L3MBTL4: variants seen among roughly 807,000 people sequenced by gnomAD.
L3MBTL4 encodes lethal(3)malignant brain tumor-like protein 4.
In L3MBTL4, 70 loss-of-function variants were observed where a neutral mutation model predicts 84.5. The observed-to-expected ratio is 0.83, with a 90% confidence interval of 0.68 to 1.01. The LOEUF is 1.01. Ranked by LOEUF, L3MBTL4 falls within the 50% of genes least tolerant of loss-of-function variation. The probability of loss-of-function intolerance (pLI) is 0.00; values close to 1 mark genes in which losing one functional copy is unlikely to be tolerated. For missense variants in L3MBTL4, 715 were observed against 754.8 expected (o/e 0.95, Z 0.62); for synonymous variants, 274 against 259.8 (o/e 1.05, Z -0.52).
At chr18:6,025,179 CAT>C (rs1302749218) in intron 16 of L3MBTL4, 3 of 152,218 alleles carry the variant, frequency 2.0e-5, no homozygotes, top group Non-Finnish European at 2.9e-5. Context: ...GGAAAAATGA[CAT>C]TCCAGAACTG....
chr18:6,087,534 G>T (rs2143490063), intron 15 of L3MBTL4, among the ~76,000 whole-genome samples: 1 of 152,236 alleles, frequency 6.6e-6, no homozygotes, highest in South Asian at 2.1e-4. Context: ...GCTCTGAAAG[G>T]CCTTGGGATT....
chr18:6,167,040 T>C (rs1464535468), intron 13 of L3MBTL4, among the ~76,000 whole-genome samples: 1 of 152,214 alleles, frequency 6.6e-6, no homozygotes, highest in East Asian at 1.9e-4. Flanking sequence ...CAGAAAATAC[T>C]ATAAATACCT....
At chr18:6,149,415 A>G (rs912926340) in intron 13 of L3MBTL4, among the ~76,000 whole-genome samples, 1 of 151,782 alleles carries the variant, frequency 6.6e-6, no homozygotes, top group Non-Finnish European at 1.5e-5. Flanking sequence ...TCCATGGTGT[A>G]TATGTGCCAC....
At chr18:6,049,600 T>G (rs1346451890) in intron 16 of L3MBTL4, among the ~76,000 whole-genome samples, 1 of 152,174 alleles carries the variant, frequency 6.6e-6, no homozygotes, top group Non-Finnish European at 1.5e-5. Flanking sequence ...TTATCTTAAG[T>G]GAATTAACAC....
chr18:6,266,297 T>C (rs1383603798), intron 4 of L3MBTL4, among the ~76,000 whole-genome samples: 1 of 152,198 alleles, frequency 6.6e-6, no homozygotes, highest in Admixed American at 6.5e-5. Flanking sequence ...GATGGCAAGA[T>C]TGACATAAAT....
At chr18:6,054,247 A>AT (rs1170590869) in intron 16 of L3MBTL4, among the ~76,000 whole-genome samples, 1 of 152,018 alleles carries the variant, frequency 6.6e-6, no homozygotes. Context: ...TGTCTCATAC[A>AT]TTGCTGTCAC....
chr18:6,100,389 A>G (rs1391302078), intron 14 of L3MBTL4, among the ~76,000 whole-genome samples: 1 of 151,982 alleles, frequency 6.6e-6, no homozygotes, highest in Non-Finnish European at 1.5e-5. Context: ...AAGACTTTCT[A>G]TTCTGTCATT....
chr18:6,173,391 T>A (rs1288270869), intron 12 of L3MBTL4, among the ~76,000 whole-genome samples: 1 of 152,016 alleles, frequency 6.6e-6, no homozygotes, highest in Non-Finnish European at 1.5e-5. Context: ...AAGAAAGCAG[T>A]TATGCAGTCA....
chr18:5,998,721 G>T (rs540615453), intron 16 of L3MBTL4, among the ~76,000 whole-genome samples: 22 of 152,244 alleles, frequency 1.4e-4, no homozygotes, highest in South Asian at 8.3e-4. Flanking sequence ...GGACACAAAG[G>T]TTGGGGTGAT....
At chr18:6,188,340 A>AAAG (rs1356551218) in intron 12 of L3MBTL4, among the ~76,000 whole-genome samples, 2 of 150,764 alleles carry the variant, frequency 1.3e-5, no homozygotes, top group Non-Finnish European at 3.0e-5. Flanking sequence ...TAAAAGTGTA[A>AAAG]TTATTAATAA....
intron 13 of L3MBTL4, among the ~76,000 whole-genome samples, chr18:6,143,934 A>G (rs944794221): frequency 1.3e-5 from 2 of 152,192 alleles, no homozygotes; most frequent in African/African-American, 4.8e-5. Flanking sequence ...GCGGTGGCTC[A>G]CGCCTGTAAT....
At chr18:6,121,382 A>C (rs1470138760) in intron 14 of L3MBTL4, among the ~76,000 whole-genome samples, 1 of 152,232 alleles carries the variant, frequency 6.6e-6, no homozygotes, top group Non-Finnish European at 1.5e-5. Flanking sequence ...TAGGCAAATG[A>C]ATATTAAATC....
At chr18:6,039,042 C>A (rs972954887) in intron 16 of L3MBTL4, among the ~76,000 whole-genome samples, 1 of 151,896 alleles carries the variant, frequency 6.6e-6, no homozygotes, top group African/African-American at 2.4e-5. Flanking sequence ...TCTTCCCCAA[C>A]CCTCTCTCCC....
intron 1 of L3MBTL4, among the ~76,000 whole-genome samples, chr18:6,405,491 A>C (rs1463590303): frequency 6.6e-6 from 1 of 152,178 alleles, no homozygotes; most frequent in Non-Finnish European, 1.5e-5. Context: ...ATTCTCACTC[A>C]CTAACTTTTG....
intron 12 of L3MBTL4, among the ~76,000 whole-genome samples, chr18:6,210,517 C>A (rs991111861): frequency 1.3e-5 from 2 of 152,144 alleles, no homozygotes; most frequent in South Asian, 4.1e-4. Context: ...GACCTTGGAC[C>A]AATTACTTAA....
intron 13 of L3MBTL4, among the ~76,000 whole-genome samples, chr18:6,166,521 A>G (rs1467201948): frequency 6.6e-6 from 1 of 152,232 alleles, no homozygotes; most frequent in Non-Finnish European, 1.5e-5. Flanking sequence ...AGAATTAAGA[A>G]ACTCACTCAA....
intron 17 of L3MBTL4, among the ~76,000 whole-genome samples, chr18:5,968,696 CTAAATAAAAT>C (rs1220631091): frequency 2.4e-5 from 2 of 84,826 alleles, no homozygotes; most frequent in Admixed American, 1.5e-4. Context: ...GACCTTGTCT[CTAAATAAAAT>C]AAAATAAAAT....
intron 13 of L3MBTL4, among the ~76,000 whole-genome samples, chr18:6,143,379 A>G (rs188367668): frequency 6.6e-6 from 1 of 152,336 alleles, no homozygotes; most frequent in Admixed American, 6.5e-5. Context: ...CAAGAAAAAC[A>G]GGAAATAAAA....
At chr18:6,160,574 A>C (rs1022415138) in intron 13 of L3MBTL4, among the ~76,000 whole-genome samples, 1 of 152,104 alleles carries the variant, frequency 6.6e-6, no homozygotes, top group African/African-American at 2.4e-5. Context: ...TCTACTAAAA[A>C]TACAAAAATT....
Sources: gnomAD v4.1 joint callset for allele counts (sites outside exome capture counted in the v4.1 genomes callset) on GRCh38, gnomAD v4.1.1 for gene constraint, MANE v1.5 for transcripts, NCBI Gene and HGNC (gene_info 2026-07-23, HGNC 2026-07-21) for gene names.